The following LAMA1 variants were observed in gnomAD, a reference collection of about 807,000 sequenced individuals.
The protein encoded by LAMA1 is laminin subunit alpha 1.
In LAMA1, 219 loss-of-function variants were observed where a neutral mutation model predicts 348.7. The ratio of observed to expected loss-of-function variants is 0.63; its 90% CI spans 0.56 to 0.70. The LOEUF (loss-of-function observed/expected upper bound fraction) is 0.70, where lower values mean the gene tolerates loss of function less well. Among genes scored for constraint, LAMA1 ranks in the 30% least tolerant of loss-of-function variants. LAMA1 has a pLI of 0.00. For missense variants in LAMA1, 3,744 were observed against 3,888.0 expected (o/e 0.96, Z 0.99); for synonymous variants, 1,487 against 1,491.0 (o/e 1.00, Z 0.06).
intron 1 of LAMA1, among the ~76,000 whole-genome samples, chr18:7,088,727 T>C (rs2058227589): frequency 6.6e-6 from 1 of 152,104 alleles, no homozygotes; most frequent in African/African-American, 2.4e-5. Flanking sequence ...TCTCTCAATG[T>C]TGCCCAGGCT....
intron 56 of LAMA1, chr18:6,955,703 T>C (rs924573100): frequency 8.1e-6 from 5 of 618,756 alleles, no homozygotes; most frequent in Non-Finnish European, 1.2e-5. Flanking sequence ...TCGGCTTCAC[T>C]GAAATTCATA....
chr18:7,072,564 T>C (rs1322487886), intron 3 of LAMA1, among the ~76,000 whole-genome samples: 1 of 152,212 alleles, frequency 6.6e-6, no homozygotes, highest in African/African-American at 2.4e-5. Context: ...TGTAATGTAT[T>C]AGACAGCAGT....
rs996649254 is a variant in LAMA1, at chr18:7,080,438, G to C, written c.81C>G (p.Leu27=). 1 of 1,614,120 alleles carries C rather than the reference G, an allele frequency of 6.2e-7. No homozygotes were observed. Among genetic ancestry groups the C allele is most frequent in the Non-Finnish European group, 8.5e-7 (1 of 1,180,052 alleles). ...TGATGTGAGCATTGCTGGCAAGATT[G>C]AGAATGGCAGGAAACAGGCCTGAAA... ...CRQRGLFPAI[L]NLASNAHIST... Residue 27 remains leucine (L), a synonymous_variant, in exon 2 of 63, where the codon CTC becomes CTG. Coordinates refer to ENST00000389658, the MANE Select transcript of LAMA1 (RefSeq NM_005559.4).
At chr18:6,987,564 T>C (rs1461020521) in intron 36 of LAMA1, among the ~76,000 whole-genome samples, 3 of 152,198 alleles carry the variant, frequency 2.0e-5, no homozygotes, top group Admixed American at 1.3e-4. Context: ...CTGCATAGAA[T>C]AATAAAATTT....
At chr18:7,085,580 G>A (rs1025519436) in intron 1 of LAMA1, among the ~76,000 whole-genome samples, 10 of 151,728 alleles carry the variant, frequency 6.6e-5, no homozygotes, top group East Asian at 3.9e-4. Flanking sequence ...CACCAAGCCC[G>A]GCTAATTTTT....
intron 57 of LAMA1, among the ~76,000 whole-genome samples, chr18:6,953,127 G>A (rs1363838755): frequency 1.4e-4 from 20 of 146,504 alleles, no homozygotes; most frequent in African/African-American, 4.0e-4. Context: ...ATGTCTGCCT[G>A]TGTCCAGCGG....
chr18:7,098,954 C>T (rs528286398), intron 1 of LAMA1, among the ~76,000 whole-genome samples: 2,025 of 151,736 alleles, frequency 0.013, 37 homozygotes, highest in African/African-American at 0.041. Flanking sequence ...GCCACCACCC[C>T]GTCTGGGAGG....
intron 15 of LAMA1, 25 bp from the exon 16 acceptor site, chr18:7,032,201 T>C (rs1285006251): frequency 6.8e-7 from 1 of 1,479,856 alleles, no homozygotes; most frequent in Non-Finnish European, 9.5e-7. Flanking sequence ...AAAGTCATCC[T>C]CTTTCCACTA....
intron 1 of LAMA1, among the ~76,000 whole-genome samples, chr18:7,097,377 A>T (rs1309323476): frequency 6.6e-6 from 1 of 152,194 alleles, no homozygotes; most frequent in Non-Finnish European, 1.5e-5. Context: ...AAATTAGAGA[A>T]GATTTAAATG....
chr18:7,068,313 A>G (rs1191428018), intron 3 of LAMA1, among the ~76,000 whole-genome samples: 1 of 152,212 alleles, frequency 6.6e-6, no homozygotes, highest in Non-Finnish European at 1.5e-5. Context: ...AATGAAAGCG[A>G]GCCTGCTCAT....
intron 42 of LAMA1, among the ~76,000 whole-genome samples, chr18:6,979,602 C>A (rs1028728991): frequency 6.6e-6 from 1 of 152,182 alleles, no homozygotes; most frequent in African/African-American, 2.4e-5. Context: ...AAAAAATTAT[C>A]CTATTTAAAA....
rs1424633094 is a variant in LAMA1, at chr18:6,957,866, C to T, written c.7964+611G>A. Among the ~76,000 whole-genome samples the T allele has an allele frequency of 2.6e-5, 4 of 152,046 alleles. No homozygotes were observed. The East Asian group carries it at 5.8e-4, about 22-fold the overall frequency. On this transcript the variant is annotated intron_variant, in intron 55 of 62. Coordinates refer to ENST00000389658, the MANE Select transcript of LAMA1 (RefSeq NM_005559.4). Reference sequence around the variant, plus strand: ...GTGCAATCTCAGCTCACTGCACCTCCGCCTCCCGGGTTCAAGTGATTCTCC... The same window carrying T: ...GTGCAATCTCAGCTCACTGCACCTCTGCCTCCCGGGTTCAAGTGATTCTCC...
At chr18:7,098,717 TG>T (rs1211451724) in intron 1 of LAMA1, among the ~76,000 whole-genome samples, 1 of 138,110 alleles carries the variant, frequency 7.2e-6, no homozygotes, top group Non-Finnish European at 1.6e-5. Context: ...GGGAGGGAGG[TG>T]GGGGGGTCAG....
intron 19 of LAMA1, among the ~76,000 whole-genome samples, chr18:7,021,408 A>T (rs1010445990): frequency 2.0e-5 from 3 of 152,216 alleles, no homozygotes; most frequent in Non-Finnish European, 2.9e-5. Flanking sequence ...GTGGATGCCA[A>T]TATTAAAGAA....
intron 1 of LAMA1, among the ~76,000 whole-genome samples, chr18:7,089,054 C>G (rs1420227499): frequency 6.6e-6 from 1 of 151,620 alleles, no homozygotes; most frequent in African/African-American, 2.4e-5. Flanking sequence ...CAAGCTCTGC[C>G]AAAGGGATTA....
chr18:7,086,839 T>A (rs2058219496), intron 1 of LAMA1, among the ~76,000 whole-genome samples: 1 of 152,264 alleles, frequency 6.6e-6, no homozygotes, highest in African/African-American at 2.4e-5. Context: ...AGCTATTAAA[T>A]GAGTATCTCT....
chr18:7,005,388 T>C (rs1400012861), intron 29 of LAMA1, among the ~76,000 whole-genome samples: 1 of 152,198 alleles, frequency 6.6e-6, no homozygotes, highest in African/African-American at 2.4e-5. Context: ...GAGCTCCCCA[T>C]TGTTGCAGGT....
chr18:6,970,375 A>G (rs1356421043), intron 48 of LAMA1, among the ~76,000 whole-genome samples: 1 of 152,208 alleles, frequency 6.6e-6, no homozygotes, highest in African/African-American at 2.4e-5. Context: ...CCAGTTTATA[A>G]AGCATTTTCA....
At chr18:7,057,499 G>T in intron 3 of LAMA1, among the ~76,000 whole-genome samples, 1 of 121,810 alleles carries the variant, frequency 8.2e-6, no homozygotes, top group Non-Finnish European at 1.6e-5. Flanking sequence ...TTTTGAGATA[G>T]GATCTCACTC....
Sources: gnomAD v4.1 joint callset for allele counts (sites outside exome capture counted in the v4.1 genomes callset) on GRCh38, gnomAD v4.1.1 for gene constraint, MANE v1.5 for transcripts, NCBI Gene and HGNC (gene_info 2026-07-23, HGNC 2026-07-21) for gene names.